LVRN: variants seen among roughly 807,000 people sequenced by gnomAD.
The protein encoded by LVRN is laeverin, also known as aminopeptidase Q.
A neutral mutation model predicts 111.4 loss-of-function variants in LVRN; 99 were observed. That is an observed-to-expected ratio of 0.89 (90% CI 0.76 to 1.05). LVRN has a LOEUF of 1.05. LVRN is among the 50% of genes least tolerant of loss of function. The probability of loss-of-function intolerance (pLI) is 0.00; values close to 1 mark genes in which losing one functional copy is unlikely to be tolerated. For synonymous variants in LVRN, 488 were observed against 449.5 expected (o/e 1.09, Z -1.08); for missense variants, 1,414 against 1,206.8 (o/e 1.17, Z -2.54).
chr5:116,008,465 T>C (rs1247766798), intron 13 of LVRN, among the ~76,000 whole-genome samples: 1 of 152,094 alleles, frequency 6.6e-6, no homozygotes, highest in Non-Finnish European at 1.5e-5. Context: ...CTAGAAATGA[T>C]TAAGTTTAGT....
intron 12 of LVRN, among the ~76,000 whole-genome samples, chr5:116,004,136 C>T (rs1311891006): frequency 6.6e-6 from 1 of 152,148 alleles, no homozygotes; most frequent in East Asian, 1.9e-4. Context: ...CTAGAAAATA[C>T]TAATTTTACT....
chr5:116,000,442 A>G lies in LVRN; in HGVS notation c.1525A>G (p.Met509Val), dbSNP rs140238368. ...DIFTYSKGASMARMLSCFLNE... is the reference protein window; with the variant it reads ...DIFTYSKGASVARMLSCFLNE... ...GCTTCTTTTGTCCTAGGGAGCGTCT[A>G]TGGCCCGGATGCTTTCTTGTTTCTT... The change falls in exon 8 of 20, where the codon ATG becomes GTG. Residue 509 changes from methionine to valine, a missense_variant. Physicochemically the swap from Met to Val is conservative, Grantham distance 21. Transcript: ENST00000357872. The G allele has an allele frequency of 5.6e-6, 9 of 1,614,164 alleles. No homozygotes were observed. The African/African-American group carries it at 1.1e-4, about 19-fold the overall frequency.
At chr5:115,981,817 T>C (rs1753566013) in intron 1 of LVRN, among the ~76,000 whole-genome samples, 2 of 152,198 alleles carry the variant, frequency 1.3e-5, no homozygotes, top group Non-Finnish European at 2.9e-5. Context: ...AGTTCTTCTA[T>C]AGTTCATCTG....
intron 1 of LVRN, among the ~76,000 whole-genome samples, chr5:115,968,089 G>A (rs1753240049): frequency 6.6e-6 from 1 of 152,030 alleles, no homozygotes; most frequent in African/African-American, 2.4e-5. Flanking sequence ...TTCTTTTCCT[G>A]CCTGATTGTG....
At chr5:115,989,082 T>G (rs1448857260) in intron 4 of LVRN, among the ~76,000 whole-genome samples, 1 of 152,088 alleles carries the variant, frequency 6.6e-6, no homozygotes, top group East Asian at 1.9e-4. Context: ...ACAGCTGTAC[T>G]CTCATAGCTT....
chr5:116,015,715 G>A lies in LVRN; in HGVS notation c.2706G>A (p.Arg902=). ...IEVVASSEVG[R]YVAKDFLVNN... is the part of the protein sequence containing the mutation. ...TTGTGGCTTCATCTGAAGTTGGCCG[G>A]TATGTCGCAAAAGACTTCTTAGTCA... Residue 902 remains arginine (R), a synonymous_variant, in exon 18 of 20, where the codon CGG becomes CGA. Transcript: ENST00000357872. 1 of 1,613,404 alleles carries A rather than the reference G, an allele frequency of 6.2e-7. No individual in the cohort carries two copies. Among genetic ancestry groups the A allele is most frequent in the Non-Finnish European group, 8.5e-7 (1 of 1,179,588 alleles).
rs555549315 is a variant in LVRN, at chr5:115,980,123, C to A, written c.696-3164C>A. The stretch of plus-strand genomic sequence containing the variant: ...TCTCCCAAATTAACTCCCTCACCAG[C>A]TGACCATTCTAAACACAGACTTAAT... On this transcript the variant is annotated intron_variant, in intron 1 of 19. Transcript: ENST00000357872. 6.2e-4 allele frequency among the ~76,000 whole-genome samples: 94 copies of A among 152,254 alleles called. 2 individuals are homozygous for A. In the South Asian group the frequency reaches 0.018, roughly 29 times the overall value.
Position 115,984,719 on chromosome 5 carries a change from G to A in LVRN, c.978+10G>A, listed in dbSNP as rs1241706639. On this transcript the variant is annotated intron_variant, in intron 3 of 19. Transcript: ENST00000357872. ...AGAAAGGGGCAAGGAGGTGAGTGAG[G>A]AAGATTCTGTAGGTAAGGGAGATTG... The A allele has an allele frequency of 1.2e-6, 2 of 1,613,148 alleles. No homozygotes were observed. Among genetic ancestry groups the A allele is most frequent in the East Asian group, 2.2e-5 (1 of 44,878 alleles).
intron 19 of LVRN, chr5:116,023,230 A>T (rs1210043715): frequency 6.6e-6 from 1 of 152,212 alleles, no homozygotes; most frequent in Non-Finnish European, 1.5e-5. Flanking sequence ...ACTGGTAAAT[A>T]TGTCTACCCC....
chr5:115,995,279 T>C (rs1748081259), intron 6 of LVRN: 1 of 152,192 alleles, frequency 6.6e-6, no homozygotes. Context: ...GACAAGCCTA[T>C]CTTAGTGCCA....
At chr5:116,018,214 T>G (rs1748640947) in intron 18 of LVRN, among the ~76,000 whole-genome samples, 1 of 152,190 alleles carries the variant, frequency 6.6e-6, no homozygotes, top group South Asian at 2.1e-4. Flanking sequence ...TTACTTAAAG[T>G]CAATACCTAG....
intron 1 of LVRN, among the ~76,000 whole-genome samples, chr5:115,981,003 G>A (rs1330011202): frequency 6.6e-6 from 1 of 152,090 alleles, no homozygotes; most frequent in Admixed American, 6.6e-5. Context: ...AATTTAAGTG[G>A]TATATTAAGC....
At chr5:115,987,388 A>T (rs1747891179) in intron 3 of LVRN, among the ~76,000 whole-genome samples, 1 of 152,230 alleles carries the variant, frequency 6.6e-6, no homozygotes, top group Non-Finnish European at 1.5e-5. Flanking sequence ...CATGATTTAA[A>T]TATGCTTAAT....
intron 1 of LVRN, among the ~76,000 whole-genome samples, chr5:115,979,455 C>G (rs865884043): frequency 6.6e-6 from 1 of 152,102 alleles, no homozygotes; most frequent in African/African-American, 2.4e-5. Flanking sequence ...TCCCCTCCAT[C>G]AAGAGATAGC....
At chr5:116,025,567 A>C (rs908721826) in intron 19 of LVRN, among the ~76,000 whole-genome samples, 4 of 152,206 alleles carry the variant, frequency 2.6e-5, no homozygotes, top group Non-Finnish European at 5.9e-5. Context: ...TGACATTTGT[A>C]AAACTGCAAA....
intron 12 of LVRN, 122 bp from the exon 13 acceptor site, chr5:116,005,790 T>G (rs2112613965): frequency 4.4e-4 from 334 of 759,372 alleles, no homozygotes; most frequent in East Asian, 6.0e-4. Context: ...TCTCTGCAGA[T>G]GAGATAAGTC....
Position 116,005,912 on chromosome 5 carries a change from G to A in LVRN, c.2038G>A (p.Ala680Thr), listed in dbSNP as rs1748360273. The A allele has an allele frequency of 6.3e-7, 1 of 1,595,768 alleles. No individual in the cohort carries two copies. Among genetic ancestry groups the A allele is most frequent in the Non-Finnish European group, 8.6e-7 (1 of 1,163,452 alleles). The change falls in exon 13 of 20, where the codon GCG (alanine) becomes ACG (threonine). Residue 680 changes from alanine (A) to threonine (T), a missense_variant and splice_region_variant. Physicochemically the swap from Ala to Thr is moderately conservative, Grantham distance 58. Transcript: ENST00000357872. ...LNQQLEKDPK[A>T]IPVIHRLQLI... ...GGCATATTTGGGTCTAATTCTGCAG[G>A]CGATTCCTGTTATTCACAGACTGCA... is the stretch of plus-strand genomic sequence containing the variant.
At chr5:116,000,244 C>G (rs893948089) in intron 7 of LVRN, among the ~76,000 whole-genome samples, 189 bp from the exon 8 acceptor site, 5 of 152,184 alleles carry the variant, frequency 3.3e-5, no homozygotes, top group Non-Finnish European at 4.4e-5. Flanking sequence ...AGGACATCTG[C>G]TTACCTTTTA....
At chr5:115,987,624 C>G (rs1170871397) in intron 3 of LVRN, among the ~76,000 whole-genome samples, 189 bp from the exon 4 acceptor site, 1 of 152,176 alleles carries the variant, frequency 6.6e-6, no homozygotes, top group East Asian at 1.9e-4. Context: ...GGGGGAATCA[C>G]TGTTCATAAC....
Sources: allele counts gnomAD v4.1 joint callset (sites outside exome capture counted in the v4.1 genomes callset), GRCh38; gene constraint gnomAD v4.1.1; transcripts MANE v1.5; gene names NCBI Gene and HGNC (gene_info 2026-07-23, HGNC 2026-07-21).